Variants in EDIL3 observed in about 807,000 individuals in gnomAD.
The protein encoded by EDIL3 is EGF like and discoidin domains 3, also known as EGF-like repeat and discoidin I-like domain-containing protein 3.
A neutral mutation model predicts 67.4 loss-of-function variants in EDIL3; 37 were observed. The ratio of observed to expected loss-of-function variants is 0.55; its 90% CI spans 0.42 to 0.72. The LOEUF is 0.72. Among genes scored for constraint, EDIL3 ranks in the 30% least tolerant of loss-of-function variants. The probability of loss-of-function intolerance (pLI) is 0.00; values close to 1 mark genes in which losing one functional copy is unlikely to be tolerated. For missense variants in EDIL3, 527 were observed against 586.3 expected (o/e 0.90, Z 1.04); for synonymous variants, 195 against 196.3 (o/e 0.99, Z 0.05).
chr5:83,965,764 A>AT lies in EDIL3; in HGVS notation c.1138-2405dup, dbSNP rs560906567. Among the ~76,000 whole-genome samples the AT allele has an allele frequency of 2.5e-3, 368 of 148,176 alleles. 1 individual carries two copies. The highest frequency in any genetic ancestry group is 6.2e-3 in the African/African-American group (252 of 40,548). On this transcript the variant is annotated intron_variant, in intron 9 of 10. Coordinates refer to ENST00000296591, the MANE Select transcript of EDIL3 (RefSeq NM_005711.5). ...ACTCTAACGGCTCCCCTTCTGCAAC[A>AT]TTTTTTTTTTCTATCTAGAAATGTT...
At chr5:84,199,363 C>T (rs1401995482) in intron 3 of EDIL3, among the ~76,000 whole-genome samples, 2 of 151,908 alleles carry the variant, frequency 1.3e-5, no homozygotes, top group Non-Finnish European at 2.9e-5. Flanking sequence ...AACAACTGAC[C>T]TCAAAACATG....
intron 9 of EDIL3, among the ~76,000 whole-genome samples, chr5:84,029,238 G>A (rs1745874013): frequency 2.6e-5 from 4 of 152,108 alleles, no homozygotes; most frequent in African/African-American, 7.2e-5. Context: ...CTGGGGGACA[G>A]AGGGATACTC....
intron 9 of EDIL3, among the ~76,000 whole-genome samples, chr5:83,992,405 A>G (rs1421961573): frequency 6.6e-6 from 1 of 152,200 alleles, no homozygotes; most frequent in Non-Finnish European, 1.5e-5. Context: ...AACTAAAACT[A>G]AATACTCCCT....
chr5:84,062,310 C>T (rs1236174794), intron 8 of EDIL3, among the ~76,000 whole-genome samples: 1 of 152,046 alleles, frequency 6.6e-6, no homozygotes, highest in Non-Finnish European at 1.5e-5. Context: ...CTTTTATCCC[C>T]ATCTTTGCCT....
intron 9 of EDIL3, among the ~76,000 whole-genome samples, chr5:84,007,110 C>T (rs1243925518): frequency 1.3e-5 from 2 of 152,122 alleles, no homozygotes; most frequent in Non-Finnish European, 2.9e-5. Flanking sequence ...AGACCACCAT[C>T]TCTTGCCATC....
intron 3 of EDIL3, among the ~76,000 whole-genome samples, chr5:84,225,939 C>T (rs1411882951): frequency 1.3e-5 from 2 of 151,548 alleles, no homozygotes; most frequent in Non-Finnish European, 3.0e-5. Flanking sequence ...AATCAGGATG[C>T]TGTGATTTTT....
intron 5 of EDIL3, among the ~76,000 whole-genome samples, chr5:84,116,287 C>T (rs945655992): frequency 3.3e-5 from 5 of 150,910 alleles, no homozygotes; most frequent in South Asian, 2.1e-4. Context: ...TAGCACACTT[C>T]GAAAAGTTGT....
At chr5:84,116,981 G>A in intron 5 of EDIL3, among the ~76,000 whole-genome samples, 1 of 142,524 alleles carries the variant, frequency 7.0e-6, no homozygotes, top group Non-Finnish European at 1.5e-5. Flanking sequence ...TAATAATAAA[G>A]TATACTCTGA....
At chr5:84,060,559 G>A in intron 8 of EDIL3, 75 bp from the exon 9 acceptor site, 1 of 1,498,780 alleles carries the variant, frequency 6.7e-7, no homozygotes, top group Non-Finnish European at 9.1e-7. Context: ...ATTTTGGATA[G>A]GCAAGAGAAG....
At chr5:84,291,695 T>G (rs947227985) in intron 1 of EDIL3, among the ~76,000 whole-genome samples, 4 of 142,010 alleles carry the variant, frequency 2.8e-5, no homozygotes, top group African/African-American at 5.5e-5. Context: ...TATATCTATA[T>G]ATCTATCTAT....
At chr5:83,976,957 A>G (rs1744886900) in intron 9 of EDIL3, among the ~76,000 whole-genome samples, 1 of 151,790 alleles carries the variant, frequency 6.6e-6, no homozygotes, top group African/African-American at 2.4e-5. Flanking sequence ...CATTCCATAT[A>G]TGCATAAATG....
intron 9 of EDIL3, among the ~76,000 whole-genome samples, chr5:84,036,572 T>C (rs1029978087): frequency 3.3e-5 from 5 of 152,156 alleles, no homozygotes; most frequent in African/African-American, 4.8e-5. Context: ...AGCCCAGTAG[T>C]ACCTTGTCGC....
intron 2 of EDIL3, among the ~76,000 whole-genome samples, chr5:84,242,849 T>G (rs2112061210): frequency 6.7e-6 from 1 of 149,968 alleles, no homozygotes; most frequent in Admixed American, 6.7e-5. Context: ...TTTCTTCGAG[T>G]TTGAAAGTAA....
Position 84,245,499 on chromosome 5 carries a change from T to C in EDIL3, c.196+8585A>G, listed in dbSNP as rs144381840. 2.5e-3 allele frequency among the ~76,000 whole-genome samples: 377 copies of C among 152,258 alleles called. 1 individual carries two copies. The highest frequency in any genetic ancestry group is 8.4e-3 in the African/African-American group (351 of 41,562). The stretch of plus-strand genomic sequence containing the variant: ...AATGACTTGCTTTATTTGGATACCA[T>C]AGTTTATGGTGCAAATAACTTAATC... On this transcript the variant is annotated intron_variant, in intron 2 of 10. Coordinates refer to ENST00000296591, the MANE Select transcript of EDIL3 (RefSeq NM_005711.5).
intron 2 of EDIL3, among the ~76,000 whole-genome samples, chr5:84,251,369 C>T (rs1265137101): frequency 6.6e-6 from 1 of 151,372 alleles, no homozygotes; most frequent in Non-Finnish European, 1.5e-5. Context: ...CCTCGGCCTT[C>T]CAAAGTGCTG....
At chr5:84,083,895 T>A (rs752402575) in intron 6 of EDIL3, among the ~76,000 whole-genome samples, 3 of 152,224 alleles carry the variant, frequency 2.0e-5, no homozygotes, top group Non-Finnish European at 4.4e-5. Context: ...TTTATATACA[T>A]GATAGAGTAT....
chr5:84,078,645 A>G (rs1401884604), intron 6 of EDIL3: 2 of 152,224 alleles, frequency 1.3e-5, no homozygotes, highest in East Asian at 1.9e-4. Flanking sequence ...TGATGATAAT[A>G]ATGTGCCTTG....
chr5:84,345,650 C>T (rs1325273941), intron 1 of EDIL3, among the ~76,000 whole-genome samples: 4 of 152,142 alleles, frequency 2.6e-5, no homozygotes, highest in Non-Finnish European at 5.9e-5. Flanking sequence ...TGATGTATTG[C>T]TTATGCTCCA....
At chr5:84,331,051 C>G (rs893944468) in intron 1 of EDIL3, among the ~76,000 whole-genome samples, 8 of 152,194 alleles carry the variant, frequency 5.3e-5, no homozygotes, top group African/African-American at 1.9e-4. Flanking sequence ...GCATGGGGCC[C>G]TAGCCCCTAT....
Sources: gnomAD v4.1 joint callset for allele counts (sites outside exome capture counted in the v4.1 genomes callset) on GRCh38, gnomAD v4.1.1 for gene constraint, MANE v1.5 for transcripts, NCBI Gene and HGNC (gene_info 2026-07-23, HGNC 2026-07-21) for gene names.